SNTG1: variants seen among roughly 807,000 people sequenced by gnomAD.
The protein encoded by SNTG1 is syntrophin gamma 1.
SNTG1 carries 39 observed loss-of-function variants against 74.7 expected under a neutral mutation model. The observed-to-expected ratio is 0.52, with a 90% CI of 0.40 to 0.68. SNTG1 has a LOEUF of 0.68. Ranked by LOEUF, SNTG1 falls within the 30% of genes least tolerant of loss-of-function variation. SNTG1 has a pLI of 0.00. For missense variants in SNTG1, 685 were observed against 609.5 expected (o/e 1.12, Z -1.30); for synonymous variants, 254 against 217.1 (o/e 1.17, Z -1.49).
At chr8:50,011,603 G>C (rs764539633) in intron 1 of SNTG1, among the ~76,000 whole-genome samples, 1 of 146,678 alleles carries the variant, frequency 6.8e-6, no homozygotes, top group East Asian at 2.1e-4. Context: ...CGTGATTCCA[G>C]GTCACTATCC....
At chr8:50,111,072 A>G (rs2080566614) in intron 1 of SNTG1, among the ~76,000 whole-genome samples, 1 of 152,192 alleles carries the variant, frequency 6.6e-6, no homozygotes, top group Non-Finnish European at 1.5e-5. Flanking sequence ...GGAGGAATTC[A>G]TTATGATTAT....
intron 17 of SNTG1, among the ~76,000 whole-genome samples, chr8:50,716,253 T>A (rs959380435): frequency 2.0e-5 from 3 of 152,180 alleles, no homozygotes; most frequent in African/African-American, 7.2e-5. Context: ...TTATTTCACA[T>A]CAAAGACAGT....
Position 50,792,727 on chromosome 8 carries a change from T to A in SNTG1, c.1452T>A (p.Ala484=), listed in dbSNP as rs769623370. ...TTCACTGCATTCATTCCTTCTTTGC[T>A]GCCAAGGTAGCTTGTTTGGACCCTC... ...AVLHCIHSFF[A]AKVACLDPLF... The change falls in exon 19 of 19, where the codon GCT becomes GCA. Residue 484 remains alanine (A), a synonymous_variant. Coordinates refer to ENST00000642720, the MANE Select transcript of SNTG1 (RefSeq NM_018967.5). 1 of 1,612,494 alleles carries A rather than the reference T, an allele frequency of 6.2e-7. No homozygotes were observed. Among genetic ancestry groups the A allele is most frequent in the Non-Finnish European group, 8.5e-7 (1 of 1,178,952 alleles).
chr8:50,495,361 C>T (rs1382295046), intron 8 of SNTG1, among the ~76,000 whole-genome samples: 1 of 152,134 alleles, frequency 6.6e-6, no homozygotes, highest in Non-Finnish European at 1.5e-5. Context: ...ATCTGACTCC[C>T]CATCCCTAAT....
chr8:50,645,578 T>C (rs1439463075), intron 13 of SNTG1, among the ~76,000 whole-genome samples: 1 of 152,038 alleles, frequency 6.6e-6, no homozygotes, highest in Non-Finnish European at 1.5e-5. Flanking sequence ...TAATTTGGGG[T>C]TCATAGGGAT....
intron 8 of SNTG1, among the ~76,000 whole-genome samples, chr8:50,458,778 T>C (rs1319684578): frequency 6.6e-6 from 1 of 151,700 alleles, no homozygotes; most frequent in Non-Finnish European, 1.5e-5. Flanking sequence ...TTGGGTTCAC[T>C]TCTTACTGAT....
intron 2 of SNTG1, among the ~76,000 whole-genome samples, chr8:50,294,337 C>G (rs1009167551): frequency 2.6e-4 from 39 of 152,144 alleles, no homozygotes; most frequent in Non-Finnish European, 5.1e-4. Flanking sequence ...CATCCAACAG[C>G]TTCAAAGTAT....
chr8:49,966,849 C>T (rs1440068884), intron 1 of SNTG1, among the ~76,000 whole-genome samples: 1 of 151,970 alleles, frequency 6.6e-6, no homozygotes, highest in African/African-American at 2.4e-5. Flanking sequence ...TTTTTATGTG[C>T]TACTTTGTGT....
intron 1 of SNTG1, among the ~76,000 whole-genome samples, chr8:50,087,858 G>A (rs28485623): frequency 0.24 from 36,302 of 149,754 alleles, 4,520 homozygotes; most frequent in South Asian, 0.38. Flanking sequence ...GTATACATGT[G>A]CCATGCTGGT....
chr8:50,641,840 G>A (rs1317020706), intron 13 of SNTG1, among the ~76,000 whole-genome samples: 1 of 152,066 alleles, frequency 6.6e-6, no homozygotes, highest in Non-Finnish European at 1.5e-5. Flanking sequence ...CACAATGTCT[G>A]CTGTCCCAGG....
intron 15 of SNTG1, among the ~76,000 whole-genome samples, chr8:50,659,924 C>T (rs1240933774): frequency 1.3e-5 from 2 of 151,882 alleles, no homozygotes; most frequent in East Asian, 3.9e-4. Context: ...ACTGCAACCT[C>T]CACCTCCCAG....
intron 8 of SNTG1, among the ~76,000 whole-genome samples, chr8:50,469,343 T>C (rs538578773): frequency 2.0e-5 from 3 of 152,200 alleles, no homozygotes; most frequent in East Asian, 1.9e-4. Flanking sequence ...GGAGACCCAG[T>C]AGTCTCAGGA....
chr8:50,036,202 T>C (rs888537514), intron 1 of SNTG1, among the ~76,000 whole-genome samples: 2 of 152,156 alleles, frequency 1.3e-5, no homozygotes, highest in Admixed American at 1.3e-4. Flanking sequence ...TGACATACAT[T>C]ATCTCTCTTA....
At chr8:50,791,016 T>C (rs1045178250) in intron 18 of SNTG1, among the ~76,000 whole-genome samples, 8 of 152,008 alleles carry the variant, frequency 5.3e-5, no homozygotes, top group African/African-American at 1.9e-4. Context: ...TTTTTGTTGT[T>C]GTTGTTTTAT....
At chr8:50,398,848 C>T (rs1481702566) in intron 3 of SNTG1, among the ~76,000 whole-genome samples, 3 of 152,170 alleles carry the variant, frequency 2.0e-5, no homozygotes, top group Admixed American at 1.3e-4. Context: ...GAGAATCGCT[C>T]GAACCCAGGA....
intron 1 of SNTG1, among the ~76,000 whole-genome samples, chr8:49,912,649 A>G (rs1805678268): frequency 6.6e-6 from 1 of 152,212 alleles, no homozygotes; most frequent in Non-Finnish European, 1.5e-5. Flanking sequence ...CATATTTTAT[A>G]TTGTTATAAT....
At chr8:50,390,182 G>C (rs970862539) in intron 2 of SNTG1, among the ~76,000 whole-genome samples, 5 of 151,984 alleles carry the variant, frequency 3.3e-5, no homozygotes, top group African/African-American at 1.2e-4. Context: ...GAATGGTATT[G>C]CCTAGGTTTT....
intron 2 of SNTG1, among the ~76,000 whole-genome samples, chr8:50,205,900 G>C (rs1290475768): frequency 1.3e-5 from 2 of 152,088 alleles, no homozygotes; most frequent in African/African-American, 2.4e-5. Context: ...TTATTCCTGA[G>C]GGCTCTGTTC....
At chr8:50,162,227 G>A (rs1443056507) in intron 1 of SNTG1, among the ~76,000 whole-genome samples, 1 of 152,100 alleles carries the variant, frequency 6.6e-6, no homozygotes, top group Non-Finnish European at 1.5e-5. Context: ...AAGCCAATGG[G>A]AAGTGAGGCT....
Sources: allele counts gnomAD v4.1 joint callset (sites outside exome capture counted in the v4.1 genomes callset), GRCh38; gene constraint gnomAD v4.1.1; transcripts MANE v1.5; gene names NCBI Gene and HGNC (gene_info 2026-07-23, HGNC 2026-07-21).